MPDZ: variants seen among roughly 807,000 people sequenced by gnomAD.
MPDZ encodes multiple PDZ domain crumbs cell polarity complex component.
MPDZ carries 234 observed loss-of-function variants against 239.1 expected under a neutral mutation model. The ratio of observed to expected loss-of-function variants is 0.98; its 90% CI spans 0.88 to 1.09. The LOEUF (loss-of-function observed/expected upper bound fraction) is 1.09, where lower values mean the gene tolerates loss of function less well. Ranked by LOEUF, MPDZ falls within the 50% of genes least tolerant of loss-of-function variation. The pLI, the probability that MPDZ is intolerant of heterozygous loss-of-function variation, is 0.00. For missense variants in MPDZ, 3,175 were observed against 2,510.0 expected (o/e 1.26, Z -5.66); for synonymous variants, 1,048 against 881.3 (o/e 1.19, Z -3.35).
At chr9:13,210,324 C>T (rs567341548) in intron 10 of MPDZ, among the ~76,000 whole-genome samples, 1 of 151,676 alleles carries the variant, frequency 6.6e-6, no homozygotes, top group South Asian at 2.1e-4. Context: ...GGCCACCAAG[C>T]GGAAATTTAA....
chr9:13,140,980 A>T (rs1947583216), intron 27 of MPDZ: 1 of 152,072 alleles, frequency 6.6e-6, no homozygotes, highest in African/African-American at 2.4e-5. Context: ...TAAGGACAAC[A>T]CCAGCTTTCC....
In MPDZ at chr9:13,130,713, T is replaced by C. The variant is rs555632771; in HGVS notation, c.4464+3111A>G. ...ATTTAAGTTGGATCTTTAGTGTATG[T>C]AGGATTTATATAAGTTAAAAGAAAT... On this transcript the variant is annotated intron_variant, in intron 32 of 46. Coordinates refer to ENST00000319217, the MANE Select transcript of MPDZ (RefSeq NM_001378778.1). 2.6e-5 allele frequency among the ~76,000 whole-genome samples: 4 copies of C among 152,342 alleles called. No individual in the cohort carries two copies. The East Asian group carries it at 5.8e-4, about 22-fold the overall frequency.
intron 10 of MPDZ, among the ~76,000 whole-genome samples, chr9:13,215,766 T>TTG (rs1958235258): frequency 7.2e-6 from 1 of 138,502 alleles, no homozygotes; most frequent in African/African-American, 2.7e-5. Flanking sequence ...TTTTTTTTTT[T>TTG]TTTTTTTTGT....
At chr9:13,274,659 C>G (rs1037684859) in intron 1 of MPDZ, 2 of 151,048 alleles carry the variant, frequency 1.3e-5, no homozygotes, top group Non-Finnish European at 3.0e-5. Context: ...AACATAAATT[C>G]CCTTTTATTA....
chr9:13,236,830 A>G lies in MPDZ; in HGVS notation c.183+10805T>C, dbSNP rs185469029. ...CTTTTTTAAAAACTTCGCTCCTACA[A>G]TGAAGTAGAACGTACCAGGATGTTT... On this transcript the variant is annotated intron_variant, in intron 3 of 46. Coordinates refer to ENST00000319217, the MANE Select transcript of MPDZ (RefSeq NM_001378778.1). 1.4e-4 allele frequency among the ~76,000 whole-genome samples: 21 copies of G among 152,112 alleles called. No homozygotes were observed. The East Asian group carries it at 3.5e-3, about 25-fold the overall frequency.
chr9:13,139,144 T>C (rs1413553227), intron 28 of MPDZ, among the ~76,000 whole-genome samples: 2 of 152,292 alleles, frequency 1.3e-5, no homozygotes, highest in African/African-American at 2.4e-5. Context: ...GCATTCTACA[T>C]TGATTCTTAA....
At chr9:13,167,253 C>T (rs1951188412) in intron 22 of MPDZ, among the ~76,000 whole-genome samples, 1 of 151,946 alleles carries the variant, frequency 6.6e-6, no homozygotes, top group African/African-American at 2.4e-5. Flanking sequence ...TACTTGTACT[C>T]CAATTATTAT....
chr9:13,276,126 C>A (rs1281551755), intron 1 of MPDZ, among the ~76,000 whole-genome samples: 1 of 152,158 alleles, frequency 6.6e-6, no homozygotes, highest in Non-Finnish European at 1.5e-5. Flanking sequence ...ACTTCTGGAG[C>A]AGAATCATGT....
At chr9:13,170,139 C>G (rs902574126) in intron 21 of MPDZ, among the ~76,000 whole-genome samples, 1 of 152,118 alleles carries the variant, frequency 6.6e-6, no homozygotes, top group East Asian at 1.9e-4. Context: ...AGATATAAAG[C>G]TACCAGGGTA....
chr9:13,278,143 C>T lies in MPDZ; in HGVS notation c.-58+1257G>A, dbSNP rs1359892032. ...ACATCAAACTGTCTACAAGGCAGGA[C>T]GAGGCAGTCTGATCACTTATCAGAT... is the stretch of plus-strand genomic sequence containing the variant. On this transcript the variant is annotated intron_variant, in intron 1 of 46. Transcript: ENST00000319217. 5.3e-4 allele frequency among the ~76,000 whole-genome samples: 81 copies of T among 152,144 alleles called. 1 individual carries two copies. Among genetic ancestry groups the T allele is most frequent in the Non-Finnish European group, 5.9e-5 (4 of 68,036 alleles).
rs1408750701 is a variant in MPDZ, at chr9:13,176,289, A to C, written c.2778T>G (p.Ala926=). ...TGTAGTCATTTATAGTAAAGCCAGA[A>C]GCAGGCCCCATACTTATGTCCACCG... The part of the protein sequence containing the change: ...TPSVDISMGP[A]SGFTINDYTP... The change falls in exon 20 of 47, where the codon GCT becomes GCG. Residue 926 remains alanine (A), a synonymous_variant. Transcript: ENST00000319217. 1.2e-6 allele frequency: 2 copies of C among 1,610,550 alleles called. No individual in the cohort carries two copies. Among genetic ancestry groups the C allele is most frequent in the Non-Finnish European group, 1.7e-6 (2 of 1,178,198 alleles).
At chr9:13,215,111 G>A (rs1958129676) in intron 10 of MPDZ, among the ~76,000 whole-genome samples, 1 of 151,822 alleles carries the variant, frequency 6.6e-6, no homozygotes, top group Non-Finnish European at 1.5e-5. Flanking sequence ...TATACCCATT[G>A]AACAACTCCT....
rs530876414 is a variant in MPDZ, at chr9:13,255,557, C to A, written c.-57-5185G>T. Among the ~76,000 whole-genome samples, 3 of 152,288 alleles carry A rather than the reference C, an allele frequency of 2.0e-5. No homozygotes were observed. The East Asian group carries it at 5.8e-4, about 29-fold the overall frequency. Reference sequence around the variant, plus strand: ...TCAAAATTACTCTGTGGTCCAGGGGCTGCAGAATGGATGTTGTGTTAGCGA... The same window carrying A: ...TCAAAATTACTCTGTGGTCCAGGGGATGCAGAATGGATGTTGTGTTAGCGA... On this transcript the variant is annotated intron_variant, in intron 1 of 46. Coordinates refer to ENST00000319217, the MANE Select transcript of MPDZ (RefSeq NM_001378778.1).
At chr9:13,137,833 C>T in intron 29 of MPDZ, 124 bp downstream of exon 29, 1 of 998,906 alleles carries the variant, frequency 1.0e-6, no homozygotes, top group Non-Finnish European at 1.5e-6. Flanking sequence ...TGCAATGCAT[C>T]TATTTTATTA....
At chr9:13,239,064 C>T (rs1015141981) in intron 3 of MPDZ, among the ~76,000 whole-genome samples, 11 of 151,954 alleles carry the variant, frequency 7.2e-5, no homozygotes, top group Non-Finnish European at 1.5e-4. Flanking sequence ...GATCAGGAAA[C>T]CAAAATGTTT....
chr9:13,140,900 T>C (rs956717368), intron 27 of MPDZ: 1 of 152,176 alleles, frequency 6.6e-6, no homozygotes, highest in Non-Finnish European at 1.5e-5. Flanking sequence ...GTATCACACA[T>C]GCAGGCTTGT....
rs2130885442 is a variant in MPDZ, at chr9:13,105,779, T to C, written c.*1186A>G. 6.6e-6 allele frequency: 1 copy of C among 152,340 alleles called. No homozygotes were observed. Among genetic ancestry groups the C allele is most frequent in the Non-Finnish European group, 1.5e-5 (1 of 68,024 alleles). 9.4% of individuals were successfully genotyped at this position (152,340 alleles called of 1,614,324 possible). On this transcript the variant is annotated 3_prime_UTR_variant, in exon 47 of 47. Coordinates refer to ENST00000319217, the MANE Select transcript of MPDZ (RefSeq NM_001378778.1). Reference sequence around the variant, plus strand: ...TACACAAAAATGCTGTAATAAAATATCTGTACACTACTTCTGTTACAAATA... The same window carrying C: ...TACACAAAAATGCTGTAATAAAATACCTGTACACTACTTCTGTTACAAATA...
chr9:13,268,552 G>A (rs1021643150), intron 1 of MPDZ, among the ~76,000 whole-genome samples: 6 of 152,026 alleles, frequency 3.9e-5, no homozygotes, highest in South Asian at 2.1e-4. Flanking sequence ...GTAATTATAC[G>A]GCAACGTGAT....
chr9:13,151,516 G>A (rs748477316), intron 24 of MPDZ, among the ~76,000 whole-genome samples: 2 of 152,054 alleles, frequency 1.3e-5, no homozygotes, highest in Non-Finnish European at 2.9e-5. Context: ...TATGCTAAGT[G>A]AAGTTAAGTC....
Sources: gnomAD v4.1 joint callset for allele counts (sites outside exome capture counted in the v4.1 genomes callset) on GRCh38, gnomAD v4.1.1 for gene constraint, MANE v1.5 for transcripts, NCBI Gene and HGNC (gene_info 2026-07-23, HGNC 2026-07-21) for gene names.